CDKL5: variants seen among roughly 807,000 people sequenced by gnomAD.
CDKL5 encodes cyclin-dependent kinase-like 5.
A neutral mutation model predicts 61.7 loss-of-function variants in CDKL5; 8 were observed. The ratio of observed to expected loss-of-function variants is 0.13; its 90% confidence interval spans 0.08 to 0.23. The LOEUF (loss-of-function observed/expected upper bound fraction) is 0.23, where lower values mean the gene tolerates loss of function less well. CDKL5 is among the 10% of genes least tolerant of loss of function. The pLI is 1.00. For synonymous variants in CDKL5, 275 were observed against 272.3 expected (o/e 1.01, Z -0.10); for missense variants, 440 against 734.5 (o/e 0.60, Z 4.63).
chrX:18,531,602 T>C (rs570436696), intron 3 of CDKL5, among the ~76,000 whole-genome samples: 1 of 112,700 alleles, frequency 8.9e-6, no homozygotes, highest in African/African-American at 3.2e-5. Context: ...ATTTGCCTGT[T>C]TCTCTAGATT....
At chrX:18,475,202 G>A (rs748481354) in intron 1 of CDKL5, among the ~76,000 whole-genome samples, 2 of 109,466 alleles carry the variant, frequency 1.8e-5, no homozygotes, top group Non-Finnish European at 3.8e-5. Flanking sequence ...CACGTGATCC[G>A]CCCACCTTGG....
At chrX:18,468,841 C>A (rs1290592855) in intron 1 of CDKL5, among the ~76,000 whole-genome samples, 1 of 111,219 alleles carries the variant, frequency 9.0e-6, no homozygotes, top group Non-Finnish European at 1.9e-5. Context: ...ATGGTTCTTA[C>A]TCATGGCAGA....
chrX:18,495,656 G>A (rs1481575765), intron 1 of CDKL5, among the ~76,000 whole-genome samples: 2 of 111,674 alleles, frequency 1.8e-5, no homozygotes, highest in Non-Finnish European at 3.8e-5. Context: ...TGTCTGTTCT[G>A]CTTCAGATAT....
At chrX:18,441,639 G>T (rs910550267) in intron 1 of CDKL5, among the ~76,000 whole-genome samples, 3 of 111,072 alleles carry the variant, frequency 2.7e-5, no homozygotes, top group Non-Finnish European at 5.7e-5. Flanking sequence ...TTTTTGTGTT[G>T]TTATGGTTAA....
intron 20 of CDKL5, among the ~76,000 whole-genome samples, chrX:18,648,595 C>A (rs921929485): frequency 4.5e-5 from 5 of 111,598 alleles, no homozygotes; most frequent in African/African-American, 1.6e-4. Context: ...AGCAATGTAG[C>A]CAGCTGAATA....
intron 3 of CDKL5, among the ~76,000 whole-genome samples, chrX:18,517,918 T>G (rs1421512555): frequency 9.0e-6 from 1 of 111,073 alleles, no homozygotes; most frequent in Non-Finnish European, 1.9e-5. Context: ...CGAGGCAGAA[T>G]TGCTTGAACC....
rs750725714 is a variant in CDKL5, at chrX:18,650,591, C to T, written c.2979C>T (p.Ser993=). Residue 993 remains serine, a splice_region_variant and synonymous_variant, in exon 21 of 22, where the codon TCC becomes TCT. Transcript: ENST00000379989. The stretch of plus-strand genomic sequence containing the variant: ...CTTTCAGCTGCCCAACCCAGCAATC[C>T]GGTAAGCAGAGACTCTAGACCGGTG... 4 of 1,210,383 alleles carry T rather than the reference C, an allele frequency of 3.3e-6. No individual in the cohort carries two copies. Among genetic ancestry groups the T allele is most frequent in the South Asian group, 1.8e-5 (1 of 56,894 alleles).
intron 1 of CDKL5, among the ~76,000 whole-genome samples, chrX:18,427,991 T>G (rs1463498805): frequency 8.9e-6 from 1 of 111,853 alleles, no homozygotes; most frequent in Non-Finnish European, 1.9e-5. Context: ...TGCAGGGCCG[T>G]CTCGCATAGA....
At position 18,634,318 on chromosome X, in the gene CDKL5, G is replaced by A; in HGVS notation, c.*5561G>A. On this transcript the variant is annotated 3_prime_UTR_variant, in exon 18 of 18. Coordinates refer to ENST00000623535, the MANE Select transcript of CDKL5 (RefSeq NM_001323289.2). ...AAAAGTCTGATCTGATTTCTTTCAGGGGTAGACAAGCTTGTCCTAGTGCTC... is the reference window on the plus strand; with the variant it reads ...AAAAGTCTGATCTGATTTCTTTCAGAGGTAGACAAGCTTGTCCTAGTGCTC... 1 of 753,751 alleles carries A rather than the reference G, an allele frequency of 1.3e-6. No homozygotes were observed. Among genetic ancestry groups the A allele is most frequent in the Non-Finnish European group, 1.6e-6 (1 of 639,133 alleles). The allele number at this position is 753,751 out of a possible 1,213,427, so 62.1% of individuals were successfully genotyped here.
At position 18,609,471 on chromosome X, in the gene CDKL5, G is replaced by A. The variant is rs1216832583; in HGVS notation, c.2053G>A (p.Val685Met). Reference sequence around the variant, plus strand: ...AATTTCTTTCCTGCCTCAGGGTGGAGTGTATCATGACCCACACTCTGATGA... The same window carrying A: ...AATTTCTTTCCTGCCTCAGGGTGGAATGTATCATGACCCACACTCTGATGA... ...FHTRQKSEGGVYHDPHSDDGT... is the reference protein window; with the variant it reads ...FHTRQKSEGGMYHDPHSDDGT... The change falls in exon 14 of 18, where the codon GTG becomes ATG. Residue 685 changes from valine to methionine, a missense_variant. Around this residue, in one of 2 missense-constraint regions of CDKL5, gnomAD observed 363 missense variants for 516.3 expected, o/e 0.70. Coordinates refer to ENST00000623535, the MANE Select transcript of CDKL5 (RefSeq NM_001323289.2). 5.0e-6 allele frequency: 6 copies of A among 1,211,934 alleles called. No individual in the cohort carries two copies. The highest frequency in any genetic ancestry group is 3.5e-5 in the African/African-American group (2 of 57,799).
At chrX:18,645,503 G>A (rs1927736471) in intron 19 of CDKL5, among the ~76,000 whole-genome samples, 1 of 107,582 alleles carries the variant, frequency 9.3e-6, no homozygotes, top group Non-Finnish European at 1.9e-5. Context: ...TGTCCATGCC[G>A]GCCACCTGAG....
At chrX:18,514,785 ATG>A (rs1165136190) in intron 3 of CDKL5, among the ~76,000 whole-genome samples, 1 of 107,200 alleles carries the variant, frequency 9.3e-6, no homozygotes, top group African/African-American at 3.4e-5. Flanking sequence ...TTTTATTTGT[ATG>A]TGTTTGTTTT....
chrX:18,503,903 C>T (rs1307693400), intron 1 of CDKL5, among the ~76,000 whole-genome samples: 2 of 110,018 alleles, frequency 1.8e-5, no homozygotes, highest in Admixed American at 9.7e-5. Flanking sequence ...CAACCACACC[C>T]GGCTAGTTTT....
At chrX:18,542,212 T>C (rs1210928792) in intron 3 of CDKL5, among the ~76,000 whole-genome samples, 1 of 111,395 alleles carries the variant, frequency 9.0e-6, no homozygotes, top group Non-Finnish European at 1.9e-5. Context: ...TGCTGCTTTG[T>C]TGGGTGGGAA....
At chrX:18,552,657 G>A (rs1401186862) in intron 3 of CDKL5, among the ~76,000 whole-genome samples, 2 of 111,737 alleles carry the variant, frequency 1.8e-5, no homozygotes, top group African/African-American at 6.5e-5. Flanking sequence ...GAACACCACA[G>A]GGCCTTCAGA....
intron 1 of CDKL5, among the ~76,000 whole-genome samples, chrX:18,453,091 A>G (rs770638611): frequency 9.0e-6 from 1 of 110,854 alleles, no homozygotes; most frequent in East Asian, 2.8e-4. Flanking sequence ...CAGCCTCCCA[A>G]AGTGCTGGGA....
At chrX:18,608,277 A>C (rs1020391548) in intron 12 of CDKL5, among the ~76,000 whole-genome samples, 2 of 112,358 alleles carry the variant, frequency 1.8e-5, no homozygotes, top group Admixed American at 9.4e-5. Flanking sequence ...ATTTAAGCAC[A>C]TAAACTATAG....
intron 1 of CDKL5, among the ~76,000 whole-genome samples, chrX:18,497,149 C>T (rs1161788359): frequency 6.3e-5 from 7 of 110,498 alleles, no homozygotes; most frequent in Non-Finnish European, 1.3e-4. Context: ...TACGCCACCA[C>T]CCCCGGCTAA....
chrX:18,551,210 A>C (rs752837934), intron 3 of CDKL5, among the ~76,000 whole-genome samples: 2 of 111,397 alleles, frequency 1.8e-5, no homozygotes, highest in African/African-American at 3.3e-5. Context: ...TAGTAAATTT[A>C]TATTAGTCCT....
Sources: gnomAD v4.1 joint callset for allele counts (sites outside exome capture counted in the v4.1 genomes callset) on GRCh38, gnomAD v4.1.1 for gene constraint, gnomAD v4.1.1 regional missense constraint, MANE v1.5 for transcripts, NCBI Gene and HGNC (gene_info 2026-07-23, HGNC 2026-07-21) for gene names.